Variants in ALK observed in about 807,000 individuals in gnomAD.
ALK encodes ALK tyrosine kinase receptor.
Under a neutral mutation model 163.1 loss-of-function variants are expected in ALK, and 74 were observed. The observed-to-expected ratio is 0.45, with a 90% CI of 0.38 to 0.55. ALK has a LOEUF of 0.55. Ranked by LOEUF, ALK falls within the 20% of genes least tolerant of loss-of-function variation. The pLI is 0.00. For missense variants in ALK, 2,063 were observed against 2,105.3 expected, an observed-to-expected ratio of 0.98 and a Z score of 0.39; for synonymous variants, 960 against 843.2, an observed-to-expected ratio of 1.14 and a Z score of -2.40.
At chr2:29,221,151 G>A (rs958795504) in intron 22 of ALK, 32 of 558,472 alleles carry the variant, frequency 5.7e-5, no homozygotes, top group African/African-American at 1.3e-4. Context: ...ATACTGGTGC[G>A]TGGACTGGGT....
intron 3 of ALK, among the ~76,000 whole-genome samples, chr2:29,670,292 C>T (rs1456537487): frequency 4.6e-5 from 7 of 152,018 alleles, no homozygotes; most frequent in African/African-American, 1.2e-4. Context: ...GCACAGTATT[C>T]TTGGAAGGCA....
At chr2:29,880,087 G>C (rs1480714598) in intron 1 of ALK, among the ~76,000 whole-genome samples, 1 of 152,172 alleles carries the variant, frequency 6.6e-6, no homozygotes, top group Admixed American at 6.5e-5. Flanking sequence ...GTCAGAAAGG[G>C]GATTTGGGAA....
intron 1 of ALK, among the ~76,000 whole-genome samples, chr2:29,765,663 G>T (rs1194035368): frequency 1.3e-5 from 2 of 151,968 alleles, no homozygotes; most frequent in East Asian, 3.9e-4. Context: ...ATTTAAAAAT[G>T]CATGTCAATT....
Position 29,383,716 on chromosome 2 carries a change from A to G in ALK, c.1282+16T>C. 1 of 1,614,058 alleles carries G rather than the reference A, an allele frequency of 6.2e-7. No individual in the cohort carries two copies. The highest frequency in any genetic ancestry group is 8.5e-7 in the Non-Finnish European group (1 of 1,179,962). On this transcript the variant is annotated intron_variant, in intron 5 of 28. Coordinates refer to ENST00000389048, the MANE Select transcript of ALK (RefSeq NM_004304.5). ...AATAGGCTACCAAGGAGCGTGGGAA[A>G]GCCAGATTCAGATACCTTCACTGCA...
intron 3 of ALK, among the ~76,000 whole-genome samples, chr2:29,590,940 G>T (rs1332651611): frequency 1.3e-5 from 2 of 151,516 alleles, no homozygotes; most frequent in Admixed American, 1.3e-4. Flanking sequence ...GCGTGTTGGC[G>T]GGCGCCTGTA....
intron 1 of ALK, among the ~76,000 whole-genome samples, chr2:29,784,235 A>G (rs1183126471): frequency 1.3e-5 from 2 of 152,230 alleles, no homozygotes; most frequent in African/African-American, 2.4e-5. Flanking sequence ...CAAGACAAAG[A>G]TGGGATGAAA....
chr2:29,709,426 A>G (rs1402113978), intron 2 of ALK, among the ~76,000 whole-genome samples: 1 of 152,178 alleles, frequency 6.6e-6, no homozygotes, highest in South Asian at 2.1e-4. Flanking sequence ...TTGTCCCTGA[A>G]CTGCTGAGCA....
intron 4 of ALK, among the ~76,000 whole-genome samples, chr2:29,397,256 C>A (rs1669333883): frequency 6.6e-6 from 1 of 152,114 alleles, no homozygotes. Context: ...AATTTGGACA[C>A]AGAGACAGAT....
At chr2:29,620,640 C>T (rs949259276) in intron 3 of ALK, among the ~76,000 whole-genome samples, 1 of 152,010 alleles carries the variant, frequency 6.6e-6, no homozygotes, top group Non-Finnish European at 1.5e-5. Context: ...GTACTCCAGG[C>T]GGCAGACTTC....
chr2:29,784,874 G>A (rs1663965254), intron 1 of ALK, among the ~76,000 whole-genome samples: 1 of 152,092 alleles, frequency 6.6e-6, no homozygotes, highest in South Asian at 2.1e-4. Context: ...GAGATGCAGT[G>A]CTCTCTTCTG....
At chr2:29,740,417 G>A (rs1349846527) in intron 1 of ALK, among the ~76,000 whole-genome samples, 2 of 151,092 alleles carry the variant, frequency 1.3e-5, no homozygotes, top group East Asian at 3.8e-4. Context: ...CAGACATGAG[G>A]ACAGTCAGAG....
intron 1 of ALK, among the ~76,000 whole-genome samples, chr2:29,736,882 T>A (rs1345046048): frequency 6.6e-6 from 1 of 152,112 alleles, no homozygotes; most frequent in African/African-American, 2.4e-5. Flanking sequence ...CTTAAAATAT[T>A]TTTTATTAAT....
intron 3 of ALK, among the ~76,000 whole-genome samples, chr2:29,678,914 T>C (rs908514570): frequency 6.6e-6 from 1 of 151,928 alleles, no homozygotes; most frequent in Admixed American, 6.6e-5. Flanking sequence ...TTGATGTTAT[T>C]GCTCAAGGCT....
rs199946032 is a variant in ALK at position 29,227,713 on chromosome 2, G to T, written c.2816-41C>A. On this transcript the variant is annotated intron_variant, in intron 16 of 28. Coordinates refer to ENST00000389048, the MANE Select transcript of ALK (RefSeq NM_004304.5). This position sits in a 1 kb window ranked among gnomAD's most constrained non-coding sequence, Gnocchi z 4.4. The stretch of plus-strand genomic sequence containing the variant: ...GAGCAGAGTTTAACATGGGGGGTGG[G>T]TGCCAAAATCTTAACACACACACAC... 2 of 1,545,134 alleles carry T rather than the reference G, an allele frequency of 1.3e-6. No homozygotes were observed. Among genetic ancestry groups the T allele is most frequent in the African/African-American group, 1.4e-5 (1 of 73,674 alleles).
At chr2:29,471,139 A>C (rs1392125315) in intron 4 of ALK, among the ~76,000 whole-genome samples, 1 of 152,192 alleles carries the variant, frequency 6.6e-6, no homozygotes, top group Non-Finnish European at 1.5e-5. Context: ...TGTTAATAGG[A>C]TATATAATTA....
At position 29,908,438 on chromosome 2, in the gene ALK, CCTT is replaced by C. The variant is rs199761354; in HGVS notation, c.667+11552_667+11554del. 4.7e-3 allele frequency among the ~76,000 whole-genome samples: 710 copies of C among 152,260 alleles called. 8 individuals are homozygous for C. Among genetic ancestry groups the C allele is most frequent in the African/African-American group, 0.016 (673 of 41,542 alleles). On this transcript the variant is annotated intron_variant, in intron 1 of 28. Transcript: ENST00000389048. The stretch of plus-strand genomic sequence containing the variant: ...TGCCCCAACTCAGAAGATCCTTTGT[CCTT>C]CTCTTTTGAAGTAAAAAGCTGCACT...
At chr2:29,241,144 G>C (rs1664512062) in intron 12 of ALK, among the ~76,000 whole-genome samples, 1 of 152,118 alleles carries the variant, frequency 6.6e-6, no homozygotes, top group Non-Finnish European at 1.5e-5. Flanking sequence ...ATTGAATGTT[G>C]GGAGCGGTGT....
intron 1 of ALK, among the ~76,000 whole-genome samples, chr2:29,842,434 G>C (rs1029153090): frequency 2.0e-5 from 3 of 152,156 alleles, no homozygotes; most frequent in Non-Finnish European, 4.4e-5. Context: ...ATCATTCTCA[G>C]GCTTTACCAG....
chr2:29,554,864 A>C (rs1386530334), intron 3 of ALK, among the ~76,000 whole-genome samples: 1 of 152,136 alleles, frequency 6.6e-6, no homozygotes, highest in African/African-American at 2.4e-5. Flanking sequence ...AACCCCACCA[A>C]AACCAAGATG....
Sources: gnomAD v4.1 joint callset for allele counts (sites outside exome capture counted in the v4.1 genomes callset) on GRCh38, gnomAD v4.1.1 for gene constraint, Gnocchi (gnomAD v3.1) non-coding constraint, MANE v1.5 for transcripts, NCBI Gene and HGNC (gene_info 2026-07-23, HGNC 2026-07-21) for gene names.